The following SPIB variants were observed in gnomAD, a reference collection of about 807,000 sequenced individuals.
SPIB encodes the protein Spi-B transcription factor, also known as transcription factor Spi-B.
Under a neutral mutation model 31.9 loss-of-function variants are expected in SPIB, and 7 were observed. That is an observed-to-expected ratio of 0.22 (90% confidence interval 0.12 to 0.41). SPIB has a LOEUF of 0.41. SPIB is among the 10% of genes least tolerant of loss of function. The pLI, the probability that SPIB is intolerant of heterozygous loss-of-function variation, is 1.00. For missense variants in SPIB, 327 were observed against 360.2 expected (o/e 0.91, Z 0.75); for synonymous variants, 176 against 158.9 (o/e 1.11, Z -0.81).
chr19:50,428,309 G>A lies in SPIB; in HGVS notation c.762G>A (p.Ala254=). 1.9e-6 allele frequency: 3 copies of A among 1,549,326 alleles called. No individual in the cohort carries two copies. Among genetic ancestry groups the A allele is most frequent in the African/African-American group, 1.4e-5 (1 of 73,172 alleles). Residue 254 remains alanine (A), a synonymous_variant, in exon 6 of 6, where the codon GCG becomes GCA. Transcript: ENST00000595883. This position sits in a 1 kb window ranked among gnomAD's most constrained non-coding sequence, Gnocchi z 6.5. ...KRKLTYQFDS[A]LLPAVRRA ...AGCTCACCTACCAGTTCGACAGCGC[G>A]CTGCTGCCTGCAGTCCGCCGGGCCT...
rs537930902 is a variant in SPIB, at chr19:50,422,558, A to G, written c.124+13A>G. On this transcript the variant is annotated intron_variant, in intron 3 of 5. Transcript: ENST00000595883. The stretch of plus-strand genomic sequence containing the variant: ...GAGGGGGCTCCTGGTGAGTGACCCC[A>G]GCCCTGTGCCCTTCCTGCCTTGGGG... The G allele has an allele frequency of 6.2e-7, 1 of 1,613,090 alleles. No homozygotes were observed. Among genetic ancestry groups the G allele is most frequent in the Non-Finnish European group, 8.5e-7 (1 of 1,179,432 alleles).
chr19:50,423,219 A>AAG (rs1555794636), intron 4 of SPIB, 182 bp downstream of exon 4: 14 of 462,758 alleles, frequency 3.0e-5, no homozygotes, highest in Non-Finnish European at 4.5e-5. Context: ...AAAAAAAAAA[A>AAG]AAAGAAAAAG....
chr19:50,418,939 G>A lies in SPIB; in HGVS notation c.-24G>A, dbSNP rs768642065. 3.2e-6 allele frequency: 5 copies of A among 1,552,212 alleles called. No individual in the cohort carries two copies. The Admixed American group carries it at 9.7e-5, about 30-fold the overall frequency. ...ATAGGGTTGGCGGCTGCAGCGGGCG[G>A]CAAACAGCCCGCCCGGCACCACCAT... On this transcript the variant is annotated 5_prime_UTR_variant, in exon 1 of 6. Transcript: ENST00000595883. The surrounding 1 kb of genome is among the most constrained non-coding windows in gnomAD (Gnocchi z 6.0).
chr19:50,425,810 A>G (rs1199041987), intron 5 of SPIB, among the ~76,000 whole-genome samples: 1 of 152,176 alleles, frequency 6.6e-6, no homozygotes, highest in East Asian at 1.9e-4. Flanking sequence ...CACACACACC[A>G]GGTCAGGGAG....
chr19:50,421,030 T>C (rs952064776), intron 2 of SPIB, among the ~76,000 whole-genome samples: 2 of 152,218 alleles, frequency 1.3e-5, no homozygotes. Flanking sequence ...TTGTCCTTTT[T>C]CCTTGCTGTA....
At chr19:50,420,338 C>T (rs1008114374) in intron 2 of SPIB, among the ~76,000 whole-genome samples, 20 of 152,198 alleles carry the variant, frequency 1.3e-4, no homozygotes, top group African/African-American at 4.1e-4. Flanking sequence ...GTAATCAAAT[C>T]TTACTGATGT....
intron 5 of SPIB, among the ~76,000 whole-genome samples, chr19:50,427,322 C>G (rs369516883): frequency 6.6e-6 from 1 of 152,090 alleles, no homozygotes; most frequent in Non-Finnish European, 1.5e-5. Flanking sequence ...GCCAGGAGTT[C>G]GAGACCAGCC....
rs2039626770 is a variant in SPIB at position 50,430,411 on chromosome 19, CT to C, written c.*2077del. 1 of 152,116 alleles carries C rather than the reference CT, an allele frequency of 6.6e-6. No individual in the cohort carries two copies. The highest frequency in any genetic ancestry group is 2.4e-5 in the African/African-American group (1 of 41,390). 9.4% of individuals were successfully genotyped at this position (152,116 alleles called of 1,614,324 possible). ...GCTGCTTCCCAACCTTAGTTTGTCCCTTCTGTGAAAAAGGGAGAGAAGGAGG... is the reference window on the plus strand; with the variant it reads ...GCTGCTTCCCAACCTTAGTTTGTCCCTCTGTGAAAAAGGGAGAGAAGGAGG... On this transcript the variant is annotated 3_prime_UTR_variant, in exon 6 of 6. Transcript: ENST00000595883.
Position 50,423,012 on chromosome 19 carries a change from AC to A in SPIB, c.318del (p.Thr107ArgfsTer73). The A allele has an allele frequency of 2.0e-6, 3 of 1,501,600 alleles. No homozygotes were observed. The highest frequency in any genetic ancestry group is 1.3e-5 in the South Asian group (1 of 77,748). 93.0% of individuals were successfully genotyped at this position (1,501,600 alleles called of 1,614,324 possible). A position where few individuals can be genotyped will look rare whatever the true frequency, so the allele number is the denominator to read the frequency against. On this transcript the variant is annotated frameshift_variant, in exon 4 of 6. Transcript: ENST00000595883. LOFTEE classifies it high-confidence loss of function. Reference sequence around the variant, plus strand: ...GCCCCGGGGCCTGGCCTCCCTGCATACCCCACGGAGAACTTCGCTAGCCAGG... The same window carrying A: ...GCCCCGGGGCCTGGCCTCCCTGCATACCCACGGAGAACTTCGCTAGCCAGG... ...LEAPGPGLPAYPTENFASQTL... is the reference protein window; with the variant it reads ...LEAPGPGLPAXPTENFASQTL...
intron 3 of SPIB, 134 bp from the exon 4 acceptor site, chr19:50,422,689 C>T (rs2039511882): frequency 2.8e-6 from 3 of 1,060,630 alleles, no homozygotes; most frequent in Non-Finnish European, 4.2e-6. Flanking sequence ...CCTCTCCTAC[C>T]CATCCGCTCC....
intron 5 of SPIB, among the ~76,000 whole-genome samples, chr19:50,426,072 G>C (rs2039561803): frequency 6.6e-6 from 1 of 152,094 alleles, no homozygotes. Flanking sequence ...AGCTGGGCCT[G>C]GTGGTGCACG....
In SPIB at chr19:50,422,869, C is replaced by T. The variant is rs61729811; in HGVS notation, c.171C>T (p.Pro57=). ...WTVAPPVPAT[P]YEAFDPAAAA... ...TGGCCCCACCTGTCCCAGCCACCCCCTATGAAGCCTTCGACCCGGCAGCAG... is the reference window on the plus strand; with the variant it reads ...TGGCCCCACCTGTCCCAGCCACCCCTTATGAAGCCTTCGACCCGGCAGCAG... The change falls in exon 4 of 6, where the codon CCC becomes CCT. Residue 57 remains proline (P), a synonymous_variant. Transcript: ENST00000595883. 0.045 allele frequency: 72,772 copies of T among 1,610,370 alleles called. 1,837 individuals carry two copies. Among genetic ancestry groups the T allele is most frequent in the Non-Finnish European group, 0.054 (63,436 of 1,178,238 alleles).
At chr19:50,420,191 C>G (rs534850619) in intron 2 of SPIB, among the ~76,000 whole-genome samples, 1 of 152,364 alleles carries the variant, frequency 6.6e-6, no homozygotes, top group Non-Finnish European at 1.5e-5. Context: ...GTATCTCTCT[C>G]TGCCCATCCC....
chr19:50,418,987 T>C lies in SPIB; in HGVS notation c.23+2T>C. 6.4e-7 allele frequency: 1 copy of C among 1,552,942 alleles called. No individual in the cohort carries two copies. The highest frequency in any genetic ancestry group is 8.7e-7 in the Non-Finnish European group (1 of 1,148,418). On this transcript the variant is annotated splice_donor_variant, in intron 1 of 5. Coordinates refer to ENST00000595883, the MANE Select transcript of SPIB (RefSeq NM_003121.5). LOFTEE classifies it high-confidence loss of function. The surrounding 1 kb of genome is among the most constrained non-coding windows in gnomAD (Gnocchi z 6.0). ...CATGCTCGCCCTGGAGGCTGCACAGTAAGTGAGGGCCCCCAAACCTGCACC... is the reference window on the plus strand; with the variant it reads ...CATGCTCGCCCTGGAGGCTGCACAGCAAGTGAGGGCCCCCAAACCTGCACC...
rs1255644413 is a variant in SPIB at position 50,423,775 on chromosome 19, G to A, written c.490+20G>A. 1 of 1,588,912 alleles carries A rather than the reference G, an allele frequency of 6.3e-7. No individual in the cohort carries two copies. Among genetic ancestry groups the A allele is most frequent in the African/African-American group, 1.3e-5 (1 of 74,582 alleles). ...AGGCAGGTATGCGGGAGTGGCTGGG[G>A]TGGGGGAGATGCCAGCTGGAGATGG... On this transcript the variant is annotated intron_variant, in intron 5 of 5. Transcript: ENST00000595883.
chr19:50,427,776 G>A (rs1448481836), intron 5 of SPIB, among the ~76,000 whole-genome samples: 1 of 151,982 alleles, frequency 6.6e-6, no homozygotes, highest in Non-Finnish European at 1.5e-5. Flanking sequence ...GCGGAAGGCA[G>A]GACAGATGTA....
Position 50,419,934 on chromosome 19 carries a change from C to A in SPIB, c.24-12C>A. ...GCAGCCTCAGCATGCCCCTGTGTCT[C>A]TCCCCCTCCAGGCTCGACGGGCCAC... On this transcript the variant is annotated splice_polypyrimidine_tract_variant and intron_variant, in intron 1 of 5. Transcript: ENST00000595883. 6.5e-7 allele frequency: 1 copy of A among 1,538,904 alleles called. No individual in the cohort carries two copies. The highest frequency in any genetic ancestry group is 8.7e-7 in the Non-Finnish European group (1 of 1,148,980).
In SPIB at chr19:50,429,433, T is replaced by C. The variant is rs1274613; in HGVS notation, c.*1097T>C. The C allele has an allele frequency of 0.5, 76,667 of 152,280 alleles. 20,235 individuals are homozygous for C. The highest frequency in any genetic ancestry group is 0.65 in the African/African-American group (26,907 of 41,478). The allele number at this position is 152,280 out of a possible 1,614,324, so 9.4% of individuals were successfully genotyped here. The stretch of plus-strand genomic sequence containing the variant: ...TAACAGCAGGCCATCAGCTGGGCAA[T>C]GGCTCACACCTGTAATCCCAGCACT... On this transcript the variant is annotated 3_prime_UTR_variant, in exon 6 of 6. Transcript: ENST00000595883.
rs147596215 is a variant in SPIB at position 50,422,889 on chromosome 19, C to T, written c.191C>T (p.Ala64Val). Residue 64 changes from alanine (A) to valine (V), a missense_variant, in exon 4 of 6, where the codon GCA becomes GTA. Coordinates refer to ENST00000595883, the MANE Select transcript of SPIB (RefSeq NM_003121.5). ...ACCCCCTATGAAGCCTTCGACCCGG[C>T]AGCAGCCGCTTTTAGCCACCCCCAG... ...PATPYEAFDPAAAAFSHPQAA... is the reference protein window; with the variant it reads ...PATPYEAFDPVAAAFSHPQAA... 117 of 1,611,140 alleles carry T rather than the reference C, an allele frequency of 7.3e-5. No homozygotes were observed. The highest frequency in any genetic ancestry group is 9.8e-5 in the Non-Finnish European group (116 of 1,178,788).
Sources: gnomAD v4.1 joint callset for allele counts (sites outside exome capture counted in the v4.1 genomes callset) on GRCh38, gnomAD v4.1.1 for gene constraint, Gnocchi (gnomAD v3.1) non-coding constraint, MANE v1.5 for transcripts, NCBI Gene and HGNC (gene_info 2026-07-23, HGNC 2026-07-21) for gene names.